BEND6: variants seen among roughly 807,000 people sequenced by gnomAD.
BEND6 encodes the protein BEN domain containing 6.
A neutral mutation model predicts 31.8 loss-of-function variants in BEND6; 24 were observed. The ratio of observed to expected loss-of-function variants is 0.75; its 90% CI spans 0.55 to 1.06. The LOEUF is 1.06. Among genes scored for constraint, BEND6 ranks in the 50% least tolerant of loss-of-function variants. The pLI, the probability that BEND6 is intolerant of heterozygous loss-of-function variation, is 0.00. For missense variants in BEND6, 294 were observed against 327.4 expected (o/e 0.90, Z 0.79); for synonymous variants, 109 against 114.6 (o/e 0.95, Z 0.31).
intron 2 of BEND6, among the ~76,000 whole-genome samples, chr6:56,991,791 C>T (rs1230697245): frequency 1.3e-5 from 2 of 152,130 alleles, no homozygotes; most frequent in East Asian, 3.9e-4. Context: ...ACCTCACCAG[C>T]ACCCCAAAGA....
intron 1 of BEND6, chr6:56,975,637 C>T (rs1436109248): frequency 1.0e-5 from 4 of 384,210 alleles, no homozygotes; most frequent in Non-Finnish European, 2.1e-5. Context: ...GTTTCATTCT[C>T]ATGAAAACTC....
At chr6:56,958,516 C>A (rs1181760522) in intron 1 of BEND6, among the ~76,000 whole-genome samples, 2 of 152,134 alleles carry the variant, frequency 1.3e-5, no homozygotes, top group Non-Finnish European at 2.9e-5. Context: ...GCATTTTAGA[C>A]CCACTGAGAT....
chr6:57,003,903 A>G (rs1164500024), intron 3 of BEND6, among the ~76,000 whole-genome samples: 1 of 152,254 alleles, frequency 6.6e-6, no homozygotes, highest in Non-Finnish European at 1.5e-5. Flanking sequence ...GTGATTTACC[A>G]CATAAACAAA....
intron 3 of BEND6, among the ~76,000 whole-genome samples, chr6:56,996,229 T>A (rs972895765): frequency 6.6e-6 from 1 of 152,110 alleles, no homozygotes; most frequent in African/African-American, 2.4e-5. Context: ...GGTGGATCAC[T>A]TGAGACCAGG....
intron 3 of BEND6, among the ~76,000 whole-genome samples, chr6:57,012,005 G>A (rs1241980951): frequency 2.6e-5 from 4 of 152,016 alleles, no homozygotes; most frequent in South Asian, 2.1e-4. Flanking sequence ...CACACCTGTA[G>A]TCCCAGCTAC....
At chr6:56,967,104 G>A (rs565921263) in intron 1 of BEND6, among the ~76,000 whole-genome samples, 1 of 152,164 alleles carries the variant, frequency 6.6e-6, no homozygotes, top group Non-Finnish European at 1.5e-5. Flanking sequence ...TATTGGCAAC[G>A]GAAGGAATCT....
At chr6:57,016,318 A>T (rs551702149) in intron 4 of BEND6, among the ~76,000 whole-genome samples, 96 of 152,328 alleles carry the variant, frequency 6.3e-4, no homozygotes, top group African/African-American at 2.3e-3. Context: ...TTGCTATATA[A>T]CACATTATCA....
intron 1 of BEND6, among the ~76,000 whole-genome samples, chr6:56,970,093 T>C (rs1825637324): frequency 6.6e-6 from 1 of 152,222 alleles, no homozygotes; most frequent in Admixed American, 6.5e-5. Context: ...AATTTTGTTT[T>C]AGTTGCATGT....
At chr6:56,972,240 A>G (rs1167854881) in intron 1 of BEND6, among the ~76,000 whole-genome samples, 1 of 151,842 alleles carries the variant, frequency 6.6e-6, no homozygotes, top group Non-Finnish European at 1.5e-5. Flanking sequence ...GACTAAAGTC[A>G]TGCGCCACCA....
chr6:57,015,335 T>A lies in BEND6; in HGVS notation c.501T>A (p.His167Gln). The change falls in exon 4 of 7, where the codon CAT (histidine) becomes CAA (glutamine). Residue 167 changes from histidine to glutamine, a missense_variant. Transcript: ENST00000370746. ...TTTCCTTAAAGCCTGAGGAAGAGCA[T>A]CAGACTGATGAGAAACAGGTCAGTT... ...SPVSLKPEEE[H>Q]QTDEKQFQIE... 6.2e-7 allele frequency: 1 copy of A among 1,613,678 alleles called. No individual in the cohort carries two copies. Among genetic ancestry groups the A allele is most frequent in the Non-Finnish European group, 8.5e-7 (1 of 1,179,664 alleles).
intron 3 of BEND6, chr6:57,008,478 T>C: frequency 2.2e-6 from 1 of 446,190 alleles, no homozygotes; most frequent in South Asian, 4.4e-5. Flanking sequence ...TCTGTGTGAC[T>C]GTCATGCAGG....
intron 1 of BEND6, among the ~76,000 whole-genome samples, chr6:56,957,102 A>AT (rs1825110811): frequency 2.0e-5 from 3 of 152,304 alleles, no homozygotes; most frequent in Admixed American, 1.3e-4. Context: ...CAAACGCTAT[A>AT]TTTTTTTAAC....
At chr6:56,965,195 T>A (rs1222313199) in intron 1 of BEND6, among the ~76,000 whole-genome samples, 2 of 152,204 alleles carry the variant, frequency 1.3e-5, no homozygotes, top group Admixed American at 6.5e-5. Flanking sequence ...TTGTTTTTTT[T>A]AAATTTTAAT....
intron 1 of BEND6, among the ~76,000 whole-genome samples, chr6:56,978,518 C>A (rs1413769348): frequency 2.6e-5 from 4 of 152,144 alleles, no homozygotes; most frequent in Non-Finnish European, 4.4e-5. Flanking sequence ...TTTGGCCATT[C>A]TAAGTCTCTT....
chr6:56,986,412 C>T (rs887767597), intron 2 of BEND6, among the ~76,000 whole-genome samples: 2 of 151,254 alleles, frequency 1.3e-5, no homozygotes, highest in Admixed American at 6.6e-5. Context: ...CACTCCAGCC[C>T]GGGCAAAAGA....
rs889228255 is a variant in BEND6 at position 57,007,611 on chromosome 6, C to A, written c.299-7522C>A. Among the ~76,000 whole-genome samples the A allele has an allele frequency of 3.9e-5, 6 of 152,116 alleles. No homozygotes were observed. In the East Asian group the frequency reaches 1.2e-3, roughly 29 times the overall value. ...GACCAGCATGGGCAACATAGCAAGA[C>A]CCTATCTCTACAAAAAACAAATTTT... On this transcript the variant is annotated intron_variant, in intron 3 of 6. Coordinates refer to ENST00000370746, the MANE Select transcript of BEND6 (RefSeq NM_152731.3).
chr6:56,995,901 G>A (rs984446930), intron 3 of BEND6, among the ~76,000 whole-genome samples: 1 of 152,142 alleles, frequency 6.6e-6, no homozygotes, highest in Non-Finnish European at 1.5e-5. Context: ...GTCATCTTAA[G>A]TGCCCTGTTA....
intron 1 of BEND6, among the ~76,000 whole-genome samples, chr6:56,965,965 T>C (rs1219167880): frequency 6.6e-6 from 1 of 152,138 alleles, no homozygotes; most frequent in Non-Finnish European, 1.5e-5. Flanking sequence ...TCAAGATGAA[T>C]AGAAAGTTCC....
chr6:56,980,433 CCCGCCTGGGACT>C (rs1282846074), intron 1 of BEND6, among the ~76,000 whole-genome samples: 1 of 152,192 alleles, frequency 6.6e-6, no homozygotes, highest in East Asian at 1.9e-4. Context: ...AGGCAATCTG[CCCGCCTGGGACT>C]CCCAAAGTGC....
Sources: gnomAD v4.1 joint callset for allele counts (sites outside exome capture counted in the v4.1 genomes callset) on GRCh38, gnomAD v4.1.1 for gene constraint, MANE v1.5 for transcripts, NCBI Gene and HGNC (gene_info 2026-07-23, HGNC 2026-07-21) for gene names.